B4GALT6: variants seen among roughly 807,000 people sequenced by gnomAD.
B4GALT6 encodes the protein UDP-Gal:beta-GlcNAc beta-1,4-galactosyltransferase 6.
Under a neutral mutation model 46.3 loss-of-function variants are expected in B4GALT6, and 14 were observed. That is an observed-to-expected ratio of 0.30 (90% CI 0.20 to 0.47). B4GALT6 has a LOEUF of 0.47. Ranked by LOEUF, B4GALT6 falls within the 20% of genes least tolerant of loss-of-function variation. B4GALT6 has a pLI of 0.99. For synonymous variants in B4GALT6, 168 were observed against 162.0 expected (o/e 1.04, Z -0.28); for missense variants, 386 against 480.1 (o/e 0.80, Z 1.83).
intron 5 of B4GALT6, among the ~76,000 whole-genome samples, chr18:31,635,791 C>T (rs1007970507): frequency 5.9e-5 from 9 of 152,100 alleles, no homozygotes; most frequent in African/African-American, 2.2e-4. Flanking sequence ...GCACTCCAGC[C>T]TGGGCGACAG....
At chr18:31,724,465 C>T in the B4GALT6 span, 2 of 1,012,958 alleles carry the variant, frequency 2.0e-6, no homozygotes, top group Non-Finnish European at 2.4e-6. Flanking sequence ...CTCCCCACCC[C>T]CGGGCAGACC....
At chr18:31,715,049 G>A in the B4GALT6 span, among the ~76,000 whole-genome samples, 11 of 152,044 alleles carry the variant, frequency 7.2e-5, no homozygotes, top group Admixed American at 2.0e-4. Context: ...GTATTTTATC[G>A]GAAATTTTAC....
the B4GALT6 span, among the ~76,000 whole-genome samples, chr18:31,714,652 G>A: frequency 1.3e-4 from 20 of 152,266 alleles, no homozygotes; most frequent in African/African-American, 4.1e-4. Context: ...ACAGTAAAGC[G>A]CAAATAATGG....
intron 2 of B4GALT6, among the ~76,000 whole-genome samples, chr18:31,663,544 G>A (rs1446562655): frequency 6.6e-6 from 1 of 152,084 alleles, no homozygotes; most frequent in Non-Finnish European, 1.5e-5. Context: ...AGAAAGTCAG[G>A]TATAGGATTA....
At chr18:31,676,621 T>C (rs888341250) in intron 1 of B4GALT6, among the ~76,000 whole-genome samples, 1 of 152,200 alleles carries the variant, frequency 6.6e-6, no homozygotes, top group African/African-American at 2.4e-5. Flanking sequence ...GCCATCTCTA[T>C]TGCCAGTAAA....
At chr18:31,647,556 G>T (rs1452749717) in intron 3 of B4GALT6, among the ~76,000 whole-genome samples, 1 of 152,062 alleles carries the variant, frequency 6.6e-6, no homozygotes, top group Non-Finnish European at 1.5e-5. Context: ...CTAGTAATTT[G>T]CTCATTGAAG....
rs1256183208 is a variant in B4GALT6 at position 31,629,804 on chromosome 18, C to G, written c.776+1155G>C. 2.1e-5 allele frequency among the ~76,000 whole-genome samples: 3 copies of G among 145,322 alleles called. No individual in the cohort carries two copies. The South Asian group carries it at 6.6e-4, about 32-fold the overall frequency. On this transcript the variant is annotated intron_variant, in intron 6 of 8. Transcript: ENST00000306851. ...GGCAGAGCTTGCAGTGAGCCGAGAT[C>G]GCACCACTGCACTCCAGCATGGGCG...
At chr18:31,714,207 A>T in the B4GALT6 span, among the ~76,000 whole-genome samples, 33 of 152,356 alleles carry the variant, frequency 2.2e-4, no homozygotes, top group South Asian at 4.1e-4. Flanking sequence ...CAGTAGTCAC[A>T]CGTGATGTGT....
At chr18:31,679,512 A>G (rs2074455288) in intron 1 of B4GALT6, among the ~76,000 whole-genome samples, 1 of 152,216 alleles carries the variant, frequency 6.6e-6, no homozygotes, top group Non-Finnish European at 1.5e-5. Flanking sequence ...CTTTCAAACT[A>G]TACTTGGTCT....
chr18:31,715,717 AT>A, the B4GALT6 span, among the ~76,000 whole-genome samples: 164 of 144,308 alleles, frequency 1.1e-3, no homozygotes, highest in Middle Eastern at 3.6e-3. Context: ...CACCTGGCTA[AT>A]TTTTTTTTTT....
At chr18:31,638,587 A>G (rs1401229160) in intron 5 of B4GALT6, 57 bp downstream of exon 5, 28 of 1,301,332 alleles carry the variant, frequency 2.2e-5, no homozygotes, top group Non-Finnish European at 7.7e-6. Flanking sequence ...TAATCTAACC[A>G]TATCTAAGAG....
At position 31,662,073 on chromosome 18, in the gene B4GALT6, G is replaced by A. The variant is rs1490503358; in HGVS notation, c.233-3984C>T. ...CTTCTGGGGAGTCAGATGGCAACAG[G>A]AGGGCCAGAGAGAATTGTTCTACTT... is the stretch of plus-strand genomic sequence containing the variant. On this transcript the variant is annotated intron_variant, in intron 2 of 8. Transcript: ENST00000306851. Among the ~76,000 whole-genome samples, 6 of 152,326 alleles carry A rather than the reference G, an allele frequency of 3.9e-5. No individual in the cohort carries two copies. The South Asian group carries it at 1.2e-3, about 32-fold the overall frequency.
At chr18:31,711,410 C>T in the B4GALT6 span, among the ~76,000 whole-genome samples, 4 of 152,084 alleles carry the variant, frequency 2.6e-5, no homozygotes, top group African/African-American at 9.7e-5. Context: ...CCTCCTCCCA[C>T]CCTCCATCCT....
Position 31,684,417 on chromosome 18 carries a change from GCA to G in B4GALT6, c.8_9del (p.Val3AlafsTer67), listed in dbSNP as rs2074518064. 1 of 1,613,482 alleles carries G rather than the reference GCA, an allele frequency of 6.2e-7. No homozygotes were observed. The highest frequency in any genetic ancestry group is 8.5e-7 in the Non-Finnish European group (1 of 1,179,752). On this transcript the variant is annotated frameshift_variant, in exon 1 of 9. Coordinates refer to ENST00000306851, the MANE Select transcript of B4GALT6 (RefSeq NM_004775.5). LOFTEE classifies it high-confidence loss of function. MS[V>X]LRRMMRVSNR... ...TTGGAAACCCGCATCATCCGCCTGA[GCA>G]CAGACATCTTCCTCTTCCCTGCCAG...
At chr18:31,721,860 T>TTC in the B4GALT6 span, among the ~76,000 whole-genome samples, 1,862 of 151,330 alleles carry the variant, frequency 0.012, 37 homozygotes, top group African/African-American at 0.04. Context: ...TTCTCTTTCT[T>TTC]TCTCTCTCTC....
At chr18:31,670,032 T>C (rs2074331701) in intron 1 of B4GALT6, among the ~76,000 whole-genome samples, 1 of 119,120 alleles carries the variant, frequency 8.4e-6, no homozygotes, top group Non-Finnish European at 2.0e-5. Context: ...AACTTGTAGG[T>C]AACAAAACTG....
chr18:31,676,004 G>T (rs2144727936), intron 1 of B4GALT6, among the ~76,000 whole-genome samples: 1 of 152,228 alleles, frequency 6.6e-6, no homozygotes, highest in African/African-American at 2.4e-5. Context: ...AGGGAACTGG[G>T]TAGGAAATGA....
chr18:31,685,312 GC>G (rs1178967970), upstream of B4GALT6, among the ~76,000 whole-genome samples: 1 of 151,458 alleles, frequency 6.6e-6, no homozygotes, highest in African/African-American at 2.4e-5. Flanking sequence ...TGCGGGCAGA[GC>G]CGGGGAGCCG....
At chr18:31,721,184 C>CG in the B4GALT6 span, among the ~76,000 whole-genome samples, 1 of 19,794 alleles carries the variant, frequency 5.1e-5, no homozygotes, top group Non-Finnish European at 9.4e-5. Context: ...CGGGGCCTGT[C>CG]GGGGGGTGGG....
Sources: allele counts gnomAD v4.1 joint callset (sites outside exome capture counted in the v4.1 genomes callset), GRCh38; gene constraint gnomAD v4.1.1; transcripts MANE v1.5; gene names NCBI Gene and HGNC (gene_info 2026-07-23, HGNC 2026-07-21).